Variants in FIRRM observed in about 807,000 individuals in gnomAD.
The protein encoded by FIRRM is FIGNL1 interacting regulator of recombination and mitosis.
At chr1:169,829,241 A>C in the FIRRM span, 2 of 1,515,174 alleles carry the variant, frequency 1.3e-6, no homozygotes, top group African/African-American at 1.4e-5. Context: ...TGTTGGGTTC[A>C]ATGTTCTCAA....
the FIRRM span, chr1:169,854,041 C>CTT: frequency 1.8e-6 from 1 of 556,810 alleles, no homozygotes. Flanking sequence ...CCTTTTTTTT[C>CTT]TTTTTCAAAT....
At chr1:169,807,980 CAGTT>C in the FIRRM span, 23 of 1,541,994 alleles carry the variant, frequency 1.5e-5, no homozygotes, top group Middle Eastern at 1.7e-4. Context: ...TTTTCTTTGG[CAGTT>C]AGTAAATCTC....
chr1:169,807,738 T>C, the FIRRM span: 12 of 1,482,108 alleles, frequency 8.1e-6, no homozygotes, highest in Non-Finnish European at 9.9e-6. Flanking sequence ...AGGTCCTAAG[T>C]TACTTGATGT....
the FIRRM span, chr1:169,851,935 A>G: frequency 6.2e-7 from 1 of 1,614,058 alleles, no homozygotes; most frequent in South Asian, 1.1e-5. Context: ...TCATCTTTAC[A>G]GGTATGGGCT....
At chr1:169,797,279 A>G in the FIRRM span, among the ~76,000 whole-genome samples, 4 of 152,228 alleles carry the variant, frequency 2.6e-5, no homozygotes, top group African/African-American at 9.6e-5. Context: ...CAATAAATCT[A>G]CAATGCCATT....
At chr1:169,818,082 T>C in the FIRRM span, among the ~76,000 whole-genome samples, 1 of 152,364 alleles carries the variant, frequency 6.6e-6, no homozygotes, top group East Asian at 1.9e-4. Flanking sequence ...TCCCATGCTT[T>C]CTTATAATCT....
the FIRRM span, chr1:169,794,867 C>A: frequency 1.9e-6 from 1 of 517,484 alleles, no homozygotes; most frequent in Non-Finnish European, 3.5e-6. Flanking sequence ...TGAAAAAGCT[C>A]ACCTCACAAC....
At chr1:169,818,406 G>A in the FIRRM span, among the ~76,000 whole-genome samples, 1 of 152,114 alleles carries the variant, frequency 6.6e-6, no homozygotes, top group Non-Finnish European at 1.5e-5. Flanking sequence ...TGACCTTAAA[G>A]CATTTAGCAA....
chr1:169,814,169 A>T, the FIRRM span, among the ~76,000 whole-genome samples: 108 of 152,334 alleles, frequency 7.1e-4, no homozygotes, highest in African/African-American at 2.5e-3. Context: ...AGGTCAACTT[A>T]TGCAGACTTT....
chr1:169,802,012 A>G, the FIRRM span, among the ~76,000 whole-genome samples: 1 of 152,210 alleles, frequency 6.6e-6, no homozygotes, highest in Admixed American at 6.5e-5. Flanking sequence ...GCTACATTGT[A>G]TTGTTGACTG....
the FIRRM span, chr1:169,795,052 C>T: frequency 1.4e-6 from 2 of 1,429,554 alleles, no homozygotes; most frequent in Non-Finnish European, 1.9e-6. Context: ...TGCGAGTTTC[C>T]GGTCTGGGCT....
At chr1:169,836,831 C>T in the FIRRM span, 26 of 846,514 alleles carry the variant, frequency 3.1e-5, no homozygotes, top group Middle Eastern at 2.8e-4. Flanking sequence ...AAAGCTTTCT[C>T]GAAATATTAA....
the FIRRM span, among the ~76,000 whole-genome samples, chr1:169,787,110 C>T: frequency 6.6e-6 from 1 of 152,078 alleles, no homozygotes; most frequent in Non-Finnish European, 1.5e-5. Flanking sequence ...TTGAATGGGG[C>T]GATAGGGACA....
the FIRRM span, among the ~76,000 whole-genome samples, chr1:169,839,037 T>C: frequency 5.3e-5 from 8 of 152,178 alleles, no homozygotes; most frequent in Non-Finnish European, 1.2e-4. Flanking sequence ...TGGTATTTGG[T>C]TTTCTGTTCC....
chr1:169,804,308 T>C, the FIRRM span: 1 of 1,089,264 alleles, frequency 9.2e-7, no homozygotes, highest in African/African-American at 1.6e-5. Context: ...AAATTGTCTC[T>C]AATGATTCAT....
At chr1:169,853,489 C>G in the FIRRM span, 1 of 496,484 alleles carries the variant, frequency 2.0e-6, no homozygotes, top group South Asian at 3.5e-5. Context: ...TGCACAAAGG[C>G]TCTTCCTCCT....
the FIRRM span, among the ~76,000 whole-genome samples, chr1:169,815,458 G>A: frequency 6.6e-6 from 1 of 152,086 alleles, no homozygotes; most frequent in East Asian, 1.9e-4. Context: ...CCAGAACTAA[G>A]GGTTTCTCCC....
At chr1:169,847,802 A>T in the FIRRM span, 1 of 1,559,690 alleles carries the variant, frequency 6.4e-7, no homozygotes, top group Middle Eastern at 1.7e-4. Context: ...GAAGCTATCC[A>T]GGTAATATTG....
At chr1:169,829,245 T>G in the FIRRM span, 1 of 1,520,446 alleles carries the variant, frequency 6.6e-7, no homozygotes, top group Non-Finnish European at 8.8e-7. Flanking sequence ...GGGTTCAATG[T>G]TCTCAATTTC....
Sources: allele counts gnomAD v4.1 joint callset (sites outside exome capture counted in the v4.1 genomes callset), GRCh38; gene constraint gnomAD v4.1.1; transcripts MANE v1.5; gene names NCBI Gene and HGNC (gene_info 2026-07-23, HGNC 2026-07-21).